The following WWOX variants were observed in gnomAD, a reference collection of about 807,000 sequenced individuals.
WWOX encodes the protein WW domain containing oxidoreductase.
WWOX carries 69 observed loss-of-function variants against 46.2 expected under a neutral mutation model. The ratio of observed to expected loss-of-function variants is 1.49; its 90% CI spans 1.23 to 1.82. The LOEUF (loss-of-function observed/expected upper bound fraction) is 1.82. WWOX is among the 40% of genes most tolerant of loss of function. The pLI is 0.00. For synonymous variants in WWOX, 359 were observed against 202.6 expected (o/e 1.77, Z -6.56); for missense variants, 919 against 542.6 (o/e 1.69, Z -6.89).
intron 8 of WWOX, among the ~76,000 whole-genome samples, chr16:79,057,777 T>A (rs1295166201): frequency 6.6e-6 from 1 of 152,148 alleles, no homozygotes; most frequent in Non-Finnish European, 1.5e-5. Context: ...AGACCCGGAC[T>A]CGAATCCCAG....
chr16:78,278,727 G>C, intron 5 of WWOX: 1 of 1,428,344 alleles, frequency 7.0e-7, no homozygotes, highest in Non-Finnish European at 9.7e-7. Flanking sequence ...GTATTTCCTG[G>C]TCTTTTCATG....
At chr16:78,102,129 C>G (rs767575832) in intron 1 of WWOX, among the ~76,000 whole-genome samples, 4 of 152,142 alleles carry the variant, frequency 2.6e-5, no homozygotes, top group Non-Finnish European at 4.4e-5. Context: ...CCATGTTGCC[C>G]AGGCTGGTTT....
chr16:78,193,716 G>C (rs1265922579), intron 5 of WWOX, among the ~76,000 whole-genome samples: 1 of 152,036 alleles, frequency 6.6e-6, no homozygotes, highest in Non-Finnish European at 1.5e-5. Context: ...ACAAGAAGAA[G>C]GGTAGACTTA....
At chr16:78,258,334 TA>T (rs768925982) in intron 5 of WWOX, among the ~76,000 whole-genome samples, 1 of 152,226 alleles carries the variant, frequency 6.6e-6, no homozygotes, top group Non-Finnish European at 1.5e-5. Context: ...AAATAGGCTA[TA>T]TACACTGAAT....
chr16:79,026,425 G>A (rs1756512755), intron 8 of WWOX, among the ~76,000 whole-genome samples: 1 of 151,590 alleles, frequency 6.6e-6, no homozygotes, highest in African/African-American at 2.4e-5. Flanking sequence ...CCTTTGCTGT[G>A]GACTCTCTGG....
chr16:78,599,145 G>A (rs972845469), intron 8 of WWOX, among the ~76,000 whole-genome samples: 5 of 152,172 alleles, frequency 3.3e-5, no homozygotes, highest in Admixed American at 3.3e-4. Context: ...GTTGCTGATG[G>A]AGACTTCATC....
At chr16:78,494,666 G>A (rs1874214706) in intron 8 of WWOX, among the ~76,000 whole-genome samples, 1 of 152,160 alleles carries the variant, frequency 6.6e-6, no homozygotes, top group Admixed American at 6.6e-5. Context: ...GCATGGTTCT[G>A]GCTTAATGGA....
At chr16:78,972,048 AC>A (rs2046481203) in intron 8 of WWOX, among the ~76,000 whole-genome samples, 1 of 152,038 alleles carries the variant, frequency 6.6e-6, no homozygotes, top group Non-Finnish European at 1.5e-5. Context: ...ACTTTAGAAG[AC>A]CCTGATCTGC....
chr16:78,858,313 TGTA>T (rs1368414768), intron 8 of WWOX, among the ~76,000 whole-genome samples: 1 of 146,518 alleles, frequency 6.8e-6, no homozygotes, highest in Non-Finnish European at 1.5e-5. Flanking sequence ...GTACCCAATA[TGTA>T]GTCATATATA....
chr16:78,321,137 T>C (rs1324032444), intron 5 of WWOX, among the ~76,000 whole-genome samples: 1 of 151,924 alleles, frequency 6.6e-6, no homozygotes, highest in East Asian at 1.9e-4. Context: ...ACATAAAATT[T>C]CTGTTGCAAA....
Position 78,099,745 on chromosome 16 carries a change from G to A in WWOX, c.-34G>A, listed in dbSNP as rs544250661. On this transcript the variant is annotated 5_prime_UTR_variant, in exon 1 of 9. Coordinates refer to ENST00000566780, the MANE Select transcript of WWOX (RefSeq NM_016373.4). ...CCTGAGCGAGTGGACCCGGCAGCGG[G>A]CGATAGGGGGGCCAGGTGCCTCCAC... 7.4e-5 allele frequency: 112 copies of A among 1,520,642 alleles called. No homozygotes were observed. Among genetic ancestry groups the A allele is most frequent in the Admixed American group, 6.2e-4 (28 of 45,292 alleles). The allele number at this position is 1,520,642 out of a possible 1,614,324, so 94.2% of individuals were successfully genotyped here.
At chr16:78,228,153 A>G (rs959356513) in intron 5 of WWOX, among the ~76,000 whole-genome samples, 1 of 152,044 alleles carries the variant, frequency 6.6e-6, no homozygotes, top group African/African-American at 2.4e-5. Context: ...CAGCCTTTGC[A>G]TAGAGAGAGA....
At chr16:79,076,566 C>G (rs1316319028) in intron 8 of WWOX, among the ~76,000 whole-genome samples, 1 of 152,190 alleles carries the variant, frequency 6.6e-6, no homozygotes, top group Non-Finnish European at 1.5e-5. Flanking sequence ...TGAGCTCTGG[C>G]CTCTGGACCT....
At chr16:78,723,792 T>C (rs1050946881) in intron 8 of WWOX, among the ~76,000 whole-genome samples, 11 of 152,102 alleles carry the variant, frequency 7.2e-5, no homozygotes, top group Non-Finnish European at 1.2e-4. Context: ...ACTTGCTTCT[T>C]GTTCTCGTAT....
intron 8 of WWOX, among the ~76,000 whole-genome samples, chr16:78,726,071 T>TTCCCTCCCTCCCTCTGCCTCCCTCCC: frequency 1.0e-5 from 1 of 96,558 alleles, no homozygotes; most frequent in African/African-American, 3.7e-5. Flanking sequence ...CCTGCTTCCC[T>TTCCCTCCCTCCCTCTGCCTCCCTCCC]TCCCTCCCTC....
rs553461766 is a variant in WWOX at position 78,604,209 on chromosome 16, C to T, written c.1056+171457C>T. ...ACAAATTCAGATGCATGTGGATGGG[C>T]CCAAAATACTTTGTTTACATGTACT... On this transcript the variant is annotated intron_variant, in intron 8 of 8. Coordinates refer to ENST00000566780, the MANE Select transcript of WWOX (RefSeq NM_016373.4). Among the ~76,000 whole-genome samples, 5 of 152,138 alleles carry T rather than the reference C, an allele frequency of 3.3e-5. No homozygotes were observed. The East Asian group carries it at 9.7e-4, about 29-fold the overall frequency.
chr16:78,208,261 C>A (rs980786626), intron 5 of WWOX, among the ~76,000 whole-genome samples: 5 of 152,142 alleles, frequency 3.3e-5, no homozygotes, highest in African/African-American at 7.2e-5. Context: ...TCTTTGATAA[C>A]AATGTAGGAG....
intron 8 of WWOX, among the ~76,000 whole-genome samples, chr16:78,894,370 G>C (rs572389388): frequency 6.6e-6 from 1 of 152,282 alleles, no homozygotes; most frequent in South Asian, 2.1e-4. Context: ...ACACCTCCAA[G>C]TATAATATTG....
intron 5 of WWOX, among the ~76,000 whole-genome samples, chr16:78,328,847 G>GTTTTC (rs767848627): frequency 0.015 from 1,306 of 86,408 alleles, 6 homozygotes; most frequent in African/African-American, 0.032. Flanking sequence ...CTTTTCTTTT[G>GTTTTC]TTTTCTTTTC....
Sources: gnomAD v4.1 joint callset for allele counts (sites outside exome capture counted in the v4.1 genomes callset) on GRCh38, gnomAD v4.1.1 for gene constraint, MANE v1.5 for transcripts, NCBI Gene and HGNC (gene_info 2026-07-23, HGNC 2026-07-21) for gene names.